The following ME3 variants were observed in gnomAD, a reference collection of about 807,000 sequenced individuals.
ME3 encodes malic enzyme 3.
A neutral mutation model predicts 68.9 loss-of-function variants in ME3; 48 were observed. That is an observed-to-expected ratio of 0.70 (90% CI 0.55 to 0.89). The LOEUF is 0.89. Ranked by LOEUF, ME3 falls within the 40% of genes least tolerant of loss-of-function variation. The pLI is 0.00. For synonymous variants in ME3, 320 were observed against 318.8 expected, an observed-to-expected ratio of 1.00 and a Z score of -0.04; for missense variants, 675 against 797.4, an observed-to-expected ratio of 0.85 and a Z score of 1.85.
At chr11:86,617,660 G>A (rs1237085534) in intron 2 of ME3, among the ~76,000 whole-genome samples, 1 of 152,146 alleles carries the variant, frequency 6.6e-6, no homozygotes, top group Non-Finnish European at 1.5e-5. Flanking sequence ...ATTGAAAATG[G>A]TCTGTGCTTG....
intron 2 of ME3, among the ~76,000 whole-genome samples, chr11:86,565,736 A>G (rs1333948570): frequency 6.6e-6 from 1 of 152,168 alleles, no homozygotes; most frequent in Non-Finnish European, 1.5e-5. Flanking sequence ...GACATGTATT[A>G]TGTAAATATT....
intron 7 of ME3, among the ~76,000 whole-genome samples, chr11:86,479,293 T>A (rs1951258336): frequency 6.6e-6 from 1 of 152,200 alleles, no homozygotes; most frequent in Non-Finnish European, 1.5e-5. Flanking sequence ...GCCACCAGTT[T>A]CCCTGGTTCT....
chr11:86,568,078 G>A (rs1379238832), intron 2 of ME3, among the ~76,000 whole-genome samples: 3 of 152,154 alleles, frequency 2.0e-5, no homozygotes, highest in Non-Finnish European at 4.4e-5. Context: ...TAGAGTTACA[G>A]ATTATATTAT....
chr11:86,546,975 A>C (rs1956395339), intron 4 of ME3, among the ~76,000 whole-genome samples: 1 of 152,184 alleles, frequency 6.6e-6, no homozygotes, highest in Admixed American at 6.5e-5. Context: ...ACAGTGGCTC[A>C]CACCTGTAAT....
intron 4 of ME3, among the ~76,000 whole-genome samples, chr11:86,511,825 T>C (rs1953550843): frequency 6.6e-6 from 1 of 152,106 alleles, no homozygotes; most frequent in African/African-American, 2.4e-5. Flanking sequence ...GACCTAAGAT[T>C]GGTCTTTTGA....
chr11:86,576,345 C>T (rs932816391), intron 2 of ME3, among the ~76,000 whole-genome samples: 1 of 152,162 alleles, frequency 6.6e-6, no homozygotes, highest in African/African-American at 2.4e-5. Context: ...CGCCTCCCCT[C>T]TGCCTCAGTG....
At chr11:86,494,717 T>G (rs1462408951) in intron 6 of ME3, among the ~76,000 whole-genome samples, 1 of 148,154 alleles carries the variant, frequency 6.7e-6, no homozygotes, top group Non-Finnish European at 1.5e-5. Context: ...CTCATTAAAG[T>G]GACCAATTAG....
chr11:86,531,344 A>G (rs1955213810), intron 4 of ME3, among the ~76,000 whole-genome samples: 2 of 152,030 alleles, frequency 1.3e-5, no homozygotes, highest in South Asian at 2.1e-4. Context: ...AAAAGTCAGG[A>G]AACAACAGGT....
At chr11:86,497,988 A>C (rs1197826494) in exon 6 of ME3, 1 of 1,606,100 alleles carries the variant, frequency 6.2e-7, no homozygotes, top group Non-Finnish European at 8.5e-7. Flanking sequence ...GACGTCCAGC[A>C]GCACAGGGAG....
intron 2 of ME3, 104 bp from the exon 3 acceptor site, chr11:86,559,927 G>C: frequency 7.9e-7 from 1 of 1,259,580 alleles, no homozygotes; most frequent in Non-Finnish European, 1.1e-6. Flanking sequence ...GTGTGACTCA[G>C]TAGAAAGGGC....
At chr11:86,561,563 T>C (rs981811922) in intron 2 of ME3, among the ~76,000 whole-genome samples, 1 of 152,256 alleles carries the variant, frequency 6.6e-6, no homozygotes, top group Non-Finnish European at 1.5e-5. Context: ...CATTACCACA[T>C]GGATCATTTT....
chr11:86,587,703 C>T (rs1275060155), intron 2 of ME3, among the ~76,000 whole-genome samples: 1 of 152,192 alleles, frequency 6.6e-6, no homozygotes, highest in Non-Finnish European at 1.5e-5. Context: ...CAAGCATCCT[C>T]CCCACCTAGC....
At chr11:86,451,445 A>C (rs1949627095) in intron 8 of ME3, among the ~76,000 whole-genome samples, 1 of 152,220 alleles carries the variant, frequency 6.6e-6, no homozygotes, top group Non-Finnish European at 1.5e-5. Context: ...TTCTTTAGTC[A>C]CCCAGGGTTT....
chr11:86,563,221 T>C (rs1957326500), intron 2 of ME3, among the ~76,000 whole-genome samples: 1 of 152,120 alleles, frequency 6.6e-6, no homozygotes, highest in Non-Finnish European at 1.5e-5. Context: ...GTAGCTCTGT[T>C]TTAACTTTGA....
chr11:86,450,370 G>T, exon 9 of ME3: 1 of 1,613,996 alleles, frequency 6.2e-7, no homozygotes, highest in Non-Finnish European at 8.5e-7. Flanking sequence ...GAGCAGCCAA[G>T]ATCCCTGCCA....
chr11:86,437,644 G>A (rs1948905191), downstream of ME3, among the ~76,000 whole-genome samples: 1 of 152,066 alleles, frequency 6.6e-6, no homozygotes, highest in Non-Finnish European at 1.5e-5. Context: ...TATCAGCAAT[G>A]TTTTGTAGTT....
At chr11:86,565,161 T>C (rs192544023) in intron 2 of ME3, among the ~76,000 whole-genome samples, 2 of 152,160 alleles carry the variant, frequency 1.3e-5, no homozygotes, top group Non-Finnish European at 2.9e-5. Context: ...CCACTTTACA[T>C]CCACTAGAAT....
intron 2 of ME3, among the ~76,000 whole-genome samples, chr11:86,604,562 A>G (rs1961327549): frequency 6.6e-6 from 1 of 152,258 alleles, no homozygotes; most frequent in Non-Finnish European, 1.5e-5. Context: ...GAATTTATAA[A>G]TGAAATACAG....
rs555753921 is a variant in ME3 at position 86,597,064 on chromosome 11, G to A, written c.184-37241C>T. Reference sequence around the variant, plus strand: ...TAGACAGATGGCACAGGCAGAGCAGGAAATCTGACATAAGGTCATGGAAGT... The same window carrying A: ...TAGACAGATGGCACAGGCAGAGCAGAAAATCTGACATAAGGTCATGGAAGT... On this transcript the variant is annotated intron_variant, in intron 2 of 14. Transcript: ENST00000543262. Among the ~76,000 whole-genome samples the A allele has an allele frequency of 5.9e-5, 9 of 152,362 alleles. No homozygotes were observed. In the South Asian group the frequency reaches 1.9e-3, roughly 32 times the overall value.
Sources: allele counts gnomAD v4.1 joint callset (sites outside exome capture counted in the v4.1 genomes callset), GRCh38; gene constraint gnomAD v4.1.1; transcripts MANE v1.5; gene names NCBI Gene and HGNC (gene_info 2026-07-23, HGNC 2026-07-21).